CCNJL: variants seen among roughly 807,000 people sequenced by gnomAD.
CCNJL encodes the protein cyclin-J-like protein.
CCNJL carries 33 observed loss-of-function variants against 33.4 expected under a neutral mutation model. The ratio of observed to expected loss-of-function variants is 0.99; its 90% CI spans 0.75 to 1.32. The LOEUF (loss-of-function observed/expected upper bound fraction) is 1.32, where lower values mean the gene tolerates loss of function less well. CCNJL is among the 40% of genes most tolerant of loss of function. The pLI, the probability that CCNJL is intolerant of heterozygous loss-of-function variation, is 0.00. For synonymous variants in CCNJL, 227 were observed against 220.9 expected (o/e 1.03, Z -0.24); for missense variants, 512 against 499.7 (o/e 1.02, Z -0.23).
chr5:160,339,406 A>T (rs370645553), intron 1 of CCNJL: 94 of 419,570 alleles, frequency 2.2e-4, no homozygotes, highest in African/African-American at 1.8e-3. Context: ...AACACATCCA[A>T]ACACGTTCTT....
chr5:160,284,127 G>T (rs185996460), intron 2 of CCNJL, among the ~76,000 whole-genome samples: 177 of 152,218 alleles, frequency 1.2e-3, no homozygotes, highest in African/African-American at 4.1e-3. Context: ...TGAGGCGGGT[G>T]GATCGCTTGA....
chr5:160,286,459 A>T (rs905907611), intron 2 of CCNJL, among the ~76,000 whole-genome samples: 1 of 152,094 alleles, frequency 6.6e-6, no homozygotes, highest in Non-Finnish European at 1.5e-5. Context: ...TCGTCATGGC[A>T]AAACCCCGTC....
chr5:160,319,359 G>A (rs554291815), intron 1 of CCNJL, among the ~76,000 whole-genome samples: 2 of 152,160 alleles, frequency 1.3e-5, no homozygotes, highest in African/African-American at 2.4e-5. Flanking sequence ...TGCTAGTGAT[G>A]TATTTTTGTG....
At chr5:160,329,570 C>T (rs557363531) in intron 1 of CCNJL, among the ~76,000 whole-genome samples, 6 of 152,182 alleles carry the variant, frequency 3.9e-5, no homozygotes, top group East Asian at 1.9e-4. Flanking sequence ...AGGATGATCT[C>T]GATCTCCTGA....
intron 1 of CCNJL, among the ~76,000 whole-genome samples, chr5:160,324,769 T>C (rs1423628726): frequency 6.6e-6 from 1 of 152,258 alleles, no homozygotes; most frequent in Non-Finnish European, 1.5e-5. Context: ...ATCTGTCATA[T>C]GTATTTCTTC....
chr5:160,278,250 T>C (rs577571908), intron 3 of CCNJL, among the ~76,000 whole-genome samples: 26 of 152,304 alleles, frequency 1.7e-4, no homozygotes, highest in Admixed American at 9.8e-4. Context: ...TCCACCTGCC[T>C]CTGCCTCCCA....
chr5:160,292,761 C>T (rs1321447838), intron 2 of CCNJL, among the ~76,000 whole-genome samples: 5 of 152,086 alleles, frequency 3.3e-5, no homozygotes, highest in African/African-American at 1.2e-4. Context: ...TTGGCAGACA[C>T]TGCATTCCAT....
intron 2 of CCNJL, among the ~76,000 whole-genome samples, chr5:160,302,917 A>G (rs923341090): frequency 2.0e-5 from 3 of 152,208 alleles, no homozygotes; most frequent in Non-Finnish European, 4.4e-5. Context: ...TACGTAATTT[A>G]TGCTTTCTTA....
chr5:160,258,537 G>A (rs1761172879), intron 4 of CCNJL: 31 of 1,518,562 alleles, frequency 2.0e-5, no homozygotes, highest in Non-Finnish European at 2.6e-5. Flanking sequence ...AACCGTATCT[G>A]AAAGAGGTTA....
intron 1 of CCNJL, among the ~76,000 whole-genome samples, chr5:160,338,226 G>T (rs944253896): frequency 8.1e-6 from 1 of 123,386 alleles, no homozygotes; most frequent in Non-Finnish European, 1.8e-5. Flanking sequence ...GTGAAACCCC[G>T]TCTCTACAAA....
At chr5:160,286,637 C>CA (rs942205216) in intron 2 of CCNJL, among the ~76,000 whole-genome samples, 48 of 147,120 alleles carry the variant, frequency 3.3e-4, no homozygotes, top group African/African-American at 9.5e-4. Flanking sequence ...GACTCTGTCT[C>CA]AAAAAAAAAG....
At chr5:160,291,546 C>G (rs1762585751) in intron 2 of CCNJL, among the ~76,000 whole-genome samples, 1 of 152,212 alleles carries the variant, frequency 6.6e-6, no homozygotes. Flanking sequence ...AGAAAGCTGA[C>G]TCTGGGAAAA....
At chr5:160,269,338 T>G (rs532236165) in intron 3 of CCNJL, 2 of 447,634 alleles carry the variant, frequency 4.5e-6, no homozygotes, top group African/African-American at 2.0e-5. Context: ...GTCACCCGAA[T>G]AGCTGGCATC....
In CCNJL at chr5:160,257,339, G is replaced by A. The variant is rs532282814; in HGVS notation, c.584-1631C>T. On this transcript the variant is annotated intron_variant, in intron 4 of 5. Coordinates refer to ENST00000257536, the MANE Select transcript of CCNJL (RefSeq NM_001308173.3). Reference sequence around the variant, plus strand: ...AAATACAAAAAATTAGCCAGGCGTGGTGGCGGGCGCCTGTAATCCCAGCTA... The same window carrying A: ...AAATACAAAAAATTAGCCAGGCGTGATGGCGGGCGCCTGTAATCCCAGCTA... Among the ~76,000 whole-genome samples, 3 of 152,124 alleles carry A rather than the reference G, an allele frequency of 2.0e-5. No homozygotes were observed. The South Asian group carries it at 6.2e-4, about 32-fold the overall frequency.
chr5:160,264,627 A>G (rs1486917140), intron 3 of CCNJL, among the ~76,000 whole-genome samples: 1 of 152,108 alleles, frequency 6.6e-6, no homozygotes, highest in Non-Finnish European at 1.5e-5. Flanking sequence ...GTGACATTAT[A>G]TGGACACTCA....
At chr5:160,308,943 G>C (rs897002611) in intron 2 of CCNJL, among the ~76,000 whole-genome samples, 1 of 152,232 alleles carries the variant, frequency 6.6e-6, no homozygotes. Flanking sequence ...CCAGTGCAAA[G>C]ACCCTGAGAC....
chr5:160,308,432 C>G (rs534812013), intron 2 of CCNJL, among the ~76,000 whole-genome samples: 1 of 152,280 alleles, frequency 6.6e-6, no homozygotes, highest in African/African-American at 2.4e-5. Flanking sequence ...AGCATGTATT[C>G]TAGTGTGGGA....
intron 2 of CCNJL, among the ~76,000 whole-genome samples, chr5:160,287,755 T>G (rs1430693065): frequency 6.6e-6 from 1 of 152,236 alleles, no homozygotes; most frequent in Admixed American, 6.5e-5. Flanking sequence ...GGCAGGAGCT[T>G]GGCAGGCATT....
chr5:160,320,305 G>A (rs1176952482), intron 1 of CCNJL, among the ~76,000 whole-genome samples: 1 of 152,192 alleles, frequency 6.6e-6, no homozygotes, highest in Non-Finnish European at 1.5e-5. Flanking sequence ...AGGCTTGAGT[G>A]AGTAGCCTTC....
Sources: allele counts gnomAD v4.1 joint callset (sites outside exome capture counted in the v4.1 genomes callset), GRCh38; gene constraint gnomAD v4.1.1; transcripts MANE v1.5; gene names NCBI Gene and HGNC (gene_info 2026-07-23, HGNC 2026-07-21).